DNAH12: variants seen among roughly 807,000 people sequenced by gnomAD.
DNAH12 encodes the protein axonemal beta dynein heavy chain 12.
In DNAH12, 285 loss-of-function variants were observed where a neutral mutation model predicts 371.5. The ratio of observed to expected loss-of-function variants is 0.77; its 90% CI spans 0.70 to 0.85. DNAH12 has a LOEUF of 0.85. DNAH12 is among the 40% of genes least tolerant of loss of function. DNAH12 has a pLI of 0.00. For missense variants in DNAH12, 3,611 were observed against 3,689.4 expected (o/e 0.98, Z 0.55); for synonymous variants, 1,200 against 1,213.0 (o/e 0.99, Z 0.22).
rs180912041 is a variant in DNAH12, at chr3:57,527,582, C to G, written c.171-3698G>C. Among the ~76,000 whole-genome samples the G allele has an allele frequency of 5.3e-5, 8 of 152,218 alleles. No individual in the cohort carries two copies. In the East Asian group the frequency reaches 7.7e-4, roughly 15 times the overall value. ...CACACTTTGAAGCAACCAGATCTCA[C>G]GAGAACTCACTATCATGAGGACAGC... On this transcript the variant is annotated intron_variant, in intron 2 of 73. Transcript: ENST00000495027.
At chr3:57,476,679 T>C (rs1248620247) in intron 13 of DNAH12, among the ~76,000 whole-genome samples, 2 of 152,254 alleles carry the variant, frequency 1.3e-5, no homozygotes, top group African/African-American at 2.4e-5. Flanking sequence ...TGGTAATTAC[T>C]GGCTGTTTAC....
At chr3:57,311,375 C>T (rs1320890679) in intron 66 of DNAH12, among the ~76,000 whole-genome samples, 1 of 152,162 alleles carries the variant, frequency 6.6e-6, no homozygotes, top group African/African-American at 2.4e-5. Context: ...CTGCAGCTGG[C>T]TGATAGTATT....
chr3:57,301,572 A>G (rs2061346105), intron 70 of DNAH12, among the ~76,000 whole-genome samples, 163 bp downstream of exon 70: 1 of 152,104 alleles, frequency 6.6e-6, no homozygotes, highest in Non-Finnish European at 1.5e-5. Context: ...CATTCAACTC[A>G]GAGACACTCA....
chr3:57,447,814 T>C (rs752765077), intron 25 of DNAH12, among the ~76,000 whole-genome samples: 9 of 152,014 alleles, frequency 5.9e-5, no homozygotes, highest in Non-Finnish European at 1.2e-4. Flanking sequence ...GCGAGGACTA[T>C]AGGTGTATGC....
At chr3:57,398,450 T>G (rs1295495898) in intron 43 of DNAH12, among the ~76,000 whole-genome samples, 7 of 152,176 alleles carry the variant, frequency 4.6e-5, no homozygotes, top group Non-Finnish European at 1.0e-4. Context: ...GGAAGATCAA[T>G]GAATTCCAAC....
At chr3:57,534,508 C>CTTTTTT (rs35588123) in intron 2 of DNAH12, among the ~76,000 whole-genome samples, 10 of 108,842 alleles carry the variant, frequency 9.2e-5, no homozygotes, top group East Asian at 2.6e-4. Context: ...TGTTAGCTAG[C>CTTTTTT]TTTTTTTTTT....
intron 69 of DNAH12, among the ~76,000 whole-genome samples, chr3:57,303,657 G>T (rs2061410078): frequency 6.6e-6 from 1 of 152,068 alleles, no homozygotes; most frequent in African/African-American, 2.4e-5. Flanking sequence ...TCCTGCCTCG[G>T]CCTTATAAAG....
At chr3:57,358,091 T>G (rs1180489471) in intron 58 of DNAH12, among the ~76,000 whole-genome samples, 1 of 152,228 alleles carries the variant, frequency 6.6e-6, no homozygotes, top group Non-Finnish European at 1.5e-5. Flanking sequence ...CAGACTCTGA[T>G]GAATGGTATG....
chr3:57,453,977 G>A (rs528165095), intron 23 of DNAH12, among the ~76,000 whole-genome samples: 1 of 152,100 alleles, frequency 6.6e-6, no homozygotes, highest in East Asian at 1.9e-4. Context: ...AGATGTGGTG[G>A]TGTGTGCCTG....
chr3:57,407,325 C>T (rs1243873934), intron 40 of DNAH12, among the ~76,000 whole-genome samples: 3 of 149,912 alleles, frequency 2.0e-5, no homozygotes, highest in Non-Finnish European at 4.4e-5. Flanking sequence ...GGCAGGGATG[C>T]TTTCTGTATC....
chr3:57,405,042 T>C lies in DNAH12; in HGVS notation c.6682A>G (p.Ser2228Gly). The C allele has an allele frequency of 6.5e-7, 1 of 1,546,778 alleles. No individual in the cohort carries two copies. The highest frequency in any genetic ancestry group is 8.7e-7 in the Non-Finnish European group (1 of 1,145,584). Residue 2228 changes from serine (S) to glycine (G), a missense_variant, in exon 42 of 74, where the codon AGT becomes GGT. Physicochemically the swap from Ser to Gly is moderately conservative, Grantham distance 56. Around this residue, in one of 3 missense-constraint regions of DNAH12, gnomAD observed 2,266 missense variants for 2,236.9 expected, o/e 1.01. Transcript: ENST00000495027. The part of the protein sequence containing the change: ...YIEIPNIHHF[S>G]DVVDQCLDEY... The stretch of plus-strand genomic sequence containing the variant: ...TCTAAGCACTGGTCCACAACATCAC[T>C]AAAATGATGAATATTTGGAATTTCA...
chr3:57,419,553 C>T (rs1246353770), intron 36 of DNAH12, 35 bp from the exon 37 acceptor site: 90 of 1,363,988 alleles, frequency 6.6e-5, no homozygotes, highest in Non-Finnish European at 8.3e-5. Flanking sequence ...ATATTAAAAC[C>T]ATGTACTTGC....
intron 55 of DNAH12, among the ~76,000 whole-genome samples, chr3:57,374,870 A>G (rs961943672): frequency 1.2e-4 from 19 of 152,114 alleles, no homozygotes; most frequent in African/African-American, 4.6e-4. Context: ...AAACTAACCT[A>G]TGGCGGGAAA....
Position 57,470,455 on chromosome 3 carries a change from C to A in DNAH12, c.2093G>T (p.Arg698Leu). Residue 698 changes from arginine to leucine, a missense_variant, in exon 16 of 74, where the codon CGA becomes CTA. This residue lies in a region of DNAH12 where 1,314 missense variants were observed against 1,398.7 expected (regional missense o/e 0.94). Transcript: ENST00000495027. Reference sequence around the variant, plus strand: ...TACCAGCAATTACCGTTTTTCTGATCGCTGCCACTTCAAAACAAAATTAAA... The same window carrying A: ...TACCAGCAATTACCGTTTTTCTGATAGCTGCCACTTCAAAACAAAATTAAA... ...KFFNFVLKWQRSEKRWMDGGF... is the reference protein window; with the variant it reads ...KFFNFVLKWQLSEKRWMDGGF... 2 of 1,512,522 alleles carry A rather than the reference C, an allele frequency of 1.3e-6. No homozygotes were observed. The highest frequency in any genetic ancestry group is 1.8e-6 in the Non-Finnish European group (2 of 1,131,806). 93.7% of individuals were successfully genotyped at this position (1,512,522 alleles called of 1,614,324 possible). A position where few individuals can be genotyped will look rare whatever the true frequency, so the allele number is the denominator to read the frequency against.
At chr3:57,345,587 A>T (rs566498372) in intron 60 of DNAH12, among the ~76,000 whole-genome samples, 5 of 152,178 alleles carry the variant, frequency 3.3e-5, no homozygotes, top group Non-Finnish European at 7.4e-5. Context: ...TAATTGTAAC[A>T]CTTAAGCTCA....
intron 60 of DNAH12, among the ~76,000 whole-genome samples, chr3:57,341,712 ACTCT>A (rs1553656215): frequency 6.6e-6 from 1 of 152,008 alleles, no homozygotes; most frequent in East Asian, 1.9e-4. Flanking sequence ...GATTCAATGC[ACTCT>A]CTATCAATAT....
chr3:57,303,033 T>C (rs1383171860), intron 69 of DNAH12, among the ~76,000 whole-genome samples: 18 of 151,950 alleles, frequency 1.2e-4, no homozygotes, highest in Non-Finnish European at 2.9e-5. Flanking sequence ...CATCATCATT[T>C]TTACATTTTA....
At chr3:57,487,343 G>GAGGGAGGC (rs1491027694) in intron 12 of DNAH12, among the ~76,000 whole-genome samples, 3 of 101,740 alleles carry the variant, frequency 2.9e-5, no homozygotes, top group African/African-American at 1.2e-4. Flanking sequence ...GGGAGGGAGG[G>GAGGGAGGC]AGAGAGAGAG....
At chr3:57,446,465 C>T (rs1328704193) in intron 26 of DNAH12, 72 bp downstream of exon 26, 4 of 1,462,696 alleles carry the variant, frequency 2.7e-6, no homozygotes, top group African/African-American at 2.9e-5. Flanking sequence ...CATGAGTTTG[C>T]TTCCATTTAT....
Sources: allele counts gnomAD v4.1 joint callset (sites outside exome capture counted in the v4.1 genomes callset), GRCh38; gene constraint gnomAD v4.1.1; regional missense constraint gnomAD v4.1.1; transcripts MANE v1.5; gene names NCBI Gene and HGNC (gene_info 2026-07-23, HGNC 2026-07-21).